RAP1GAP: variants seen among roughly 807,000 people sequenced by gnomAD.
RAP1GAP encodes the protein RAP1 GTPase activating protein, also known as rap1 GTPase-activating protein 1.
RAP1GAP carries 35 observed loss-of-function variants against 87.2 expected under a neutral mutation model. The observed-to-expected ratio is 0.40, with a 90% confidence interval of 0.31 to 0.53. RAP1GAP has a LOEUF of 0.53. Ranked by LOEUF, RAP1GAP falls within the 20% of genes least tolerant of loss-of-function variation. RAP1GAP has a pLI of 0.48. For synonymous variants in RAP1GAP, 375 were observed against 363.9 expected (o/e 1.03, Z -0.35); for missense variants, 734 against 898.9 (o/e 0.82, Z 2.35).
chr1:21,617,186 G>T, intron 7 of RAP1GAP, 120 bp downstream of exon 7: 1 of 1,159,098 alleles, frequency 8.6e-7, no homozygotes. Flanking sequence ...CATTCACTCA[G>T]GGCTCTAGGA....
rs2071461711 is a variant in RAP1GAP, at chr1:21,603,860, G to A, written c.1429-947C>T. On this transcript the variant is annotated intron_variant, in intron 18 of 24. Coordinates refer to ENST00000374765, the MANE Select transcript of RAP1GAP (RefSeq NM_002885.4). The surrounding 1 kb of genome is among the most constrained non-coding windows in gnomAD (Gnocchi z 6.0). ...CTCTTCCACGGTTCCTATGCCTATG[G>A]CACTGCCCCGGCGTCCGAATCTACT... 1 of 1,599,402 alleles carries A rather than the reference G, an allele frequency of 6.3e-7. No individual in the cohort carries two copies. The highest frequency in any genetic ancestry group is 1.1e-5 in the South Asian group (1 of 89,014).
At chr1:21,632,642 G>A (rs1254956929) in intron 2 of RAP1GAP, among the ~76,000 whole-genome samples, 19 of 152,218 alleles carry the variant, frequency 1.2e-4, no homozygotes, top group Admixed American at 1.2e-3. Context: ...GTTCATGTCT[G>A]TAATCCCAGC....
rs2096153226 is a variant in RAP1GAP at position 21,647,345 on chromosome 1, TC to T, written c.-113+2415del. On this transcript the variant is annotated intron_variant, in intron 2 of 24. Transcript: ENST00000374765. Reference sequence around the variant, plus strand: ...CAGGAGTGATGGCATGCACCTGTGGTCCCAACTACTCAGGAGGCTGAGGCAA... The same window carrying T: ...CAGGAGTGATGGCATGCACCTGTGGTCCAACTACTCAGGAGGCTGAGGCAA... Among the ~76,000 whole-genome samples the T allele has an allele frequency of 9.9e-5, 15 of 152,086 alleles. No homozygotes were observed. The South Asian group carries it at 3.1e-3, about 32-fold the overall frequency.
chr1:21,657,148 C>G (rs544461993), intron 1 of RAP1GAP, among the ~76,000 whole-genome samples: 1 of 152,230 alleles, frequency 6.6e-6, no homozygotes, highest in East Asian at 1.9e-4. Flanking sequence ...TAACTCATGC[C>G]TGTAGAGATC....
intron 1 of RAP1GAP, chr1:21,665,158 T>A: frequency 2.3e-6 from 1 of 442,402 alleles, no homozygotes; most frequent in Admixed American, 2.3e-5. Flanking sequence ...GCAAGTGCTA[T>A]GATTCCCACT....
intron 1 of RAP1GAP, among the ~76,000 whole-genome samples, chr1:21,664,372 G>A (rs1257734968): frequency 4.6e-5 from 7 of 152,170 alleles, no homozygotes; most frequent in South Asian, 2.1e-4. Context: ...TGCCCCTCCC[G>A]TGTATCCTGC....
At chr1:21,608,827 C>A in intron 16 of RAP1GAP, 23 bp downstream of exon 16, 1 of 1,599,630 alleles carries the variant, frequency 6.3e-7, no homozygotes, top group Non-Finnish European at 8.6e-7. Flanking sequence ...GAGGGTCACC[C>A]AGCCCTCACA....
intron 3 of RAP1GAP, among the ~76,000 whole-genome samples, chr1:21,620,582 C>T (rs778396376): frequency 9.2e-5 from 14 of 152,176 alleles, no homozygotes; most frequent in Non-Finnish European, 1.5e-4. Context: ...CTCGCACACT[C>T]GAGCTACCCT....
In RAP1GAP at chr1:21,611,781, T is replaced by C; in HGVS notation, c.648A>G (p.Glu216=). Residue 216 remains glutamate, a synonymous_variant, in exon 12 of 25, where the codon GAA becomes GAG. Transcript: ENST00000374765. ...CAAGGAACTCCACGAAAGCGGGACT[T>C]TCCTCATTGGTGCTGAAGAGTTCTT... ...SEEELFSTNE[E]SPAFVEFLEF... is the part of the protein sequence containing the mutation. 6.2e-7 allele frequency: 1 copy of C among 1,613,992 alleles called. No individual in the cohort carries two copies. The highest frequency in any genetic ancestry group is 8.5e-7 in the Non-Finnish European group (1 of 1,179,820).
intron 2 of RAP1GAP, among the ~76,000 whole-genome samples, chr1:21,631,968 G>T (rs2093837564): frequency 6.6e-6 from 1 of 152,158 alleles, no homozygotes; most frequent in Non-Finnish European, 1.5e-5. Context: ...CCTTCCCTAG[G>T]CCCAGCTCCG....
chr1:21,654,383 G>A (rs1466899409), intron 1 of RAP1GAP, among the ~76,000 whole-genome samples: 1 of 152,162 alleles, frequency 6.6e-6, no homozygotes, highest in Non-Finnish European at 1.5e-5. Context: ...AGTTACTTAA[G>A]CTTTCTGAGC....
chr1:21,608,468 G>A (rs1053726310), intron 16 of RAP1GAP, 118 bp from the exon 17 acceptor site: 1 of 1,382,420 alleles, frequency 7.2e-7, no homozygotes, highest in Admixed American at 2.4e-5. Flanking sequence ...GTGGGGAGTG[G>A]GGAGGGCGGA....
intron 2 of RAP1GAP, among the ~76,000 whole-genome samples, chr1:21,631,449 G>C (rs939002521): frequency 1.3e-5 from 2 of 152,234 alleles, no homozygotes; most frequent in African/African-American, 4.8e-5. Context: ...ACTTTGGGAG[G>C]CTGAGGCGGG....
chr1:21,628,212 G>GA (rs2092825531), intron 2 of RAP1GAP, among the ~76,000 whole-genome samples: 1 of 152,078 alleles, frequency 6.6e-6, no homozygotes, highest in African/African-American at 2.4e-5. Flanking sequence ...CTGACATGGG[G>GA]AGAGTCTGGA....
Position 21,597,008 on chromosome 1 carries a change from C to G in RAP1GAP, c.*291G>C, listed in dbSNP as rs1645458626. On this transcript the variant is annotated 3_prime_UTR_variant, in exon 25 of 25. Transcript: ENST00000374765. Reference sequence around the variant, plus strand: ...ATGGAGGCCCAGGGAGGGGGCAAGCCAGACCCCCAGTCCTGCTTCCACTGA... The same window carrying G: ...ATGGAGGCCCAGGGAGGGGGCAAGCGAGACCCCCAGTCCTGCTTCCACTGA... 6.6e-6 allele frequency: 1 copy of G among 152,430 alleles called. No individual in the cohort carries two copies. The highest frequency in any genetic ancestry group is 1.5e-5 in the Non-Finnish European group (1 of 68,230). The allele number at this position is 152,430 out of a possible 1,614,324, so 9.4% of individuals were successfully genotyped here.
In RAP1GAP at chr1:21,660,339, C is replaced by CTATTTATATATATATATATATATATATA. The variant is rs563814821; in HGVS notation, c.-149+8914_-149+8915insTATATATATATATATATATATATAAATA. Among the ~76,000 whole-genome samples, 222 of 52,718 alleles carry CTATTTATATATATATATATATATATATA rather than the reference C, an allele frequency of 4.2e-3. 4 individuals carry two copies. The highest frequency in any genetic ancestry group is 0.012 in the South Asian group (19 of 1,524). 34.6% of individuals were successfully genotyped at this position (52,718 alleles called of 152,430 possible). On this transcript the variant is annotated intron_variant, in intron 1 of 24. Coordinates refer to ENST00000374765, the MANE Select transcript of RAP1GAP (RefSeq NM_002885.4). ...CTGGACAGAGTGGGTTCCAACTCAG[C>CTATTTATATATATATATATATATATATA]TATATATATTTATTGAGACAGTCTC...
At chr1:21,598,618 G>A in intron 21 of RAP1GAP, 116 bp from the exon 22 acceptor site, 1 of 824,336 alleles carries the variant, frequency 1.2e-6, no homozygotes. Flanking sequence ...CGTACCCTCT[G>A]CGAGGAGGAC....
At chr1:21,598,625 G>A in intron 21 of RAP1GAP, 123 bp from the exon 22 acceptor site, 1 of 789,944 alleles carries the variant, frequency 1.3e-6, no homozygotes, top group Non-Finnish European at 2.1e-6. Context: ...TCTGCGAGGA[G>A]GACGGGCCTA....
At chr1:21,648,506 A>G (rs571444790) in intron 2 of RAP1GAP, among the ~76,000 whole-genome samples, 38 of 151,884 alleles carry the variant, frequency 2.5e-4, no homozygotes, top group Admixed American at 1.8e-3. Context: ...TCTCATCTGT[A>G]ATTAGAGATA....
Sources: allele counts gnomAD v4.1 joint callset (sites outside exome capture counted in the v4.1 genomes callset), GRCh38; gene constraint gnomAD v4.1.1; non-coding constraint Gnocchi (gnomAD v3.1); transcripts MANE v1.5; gene names NCBI Gene and HGNC (gene_info 2026-07-23, HGNC 2026-07-21).